Variants in SNTG1 observed in about 807,000 individuals in gnomAD.
SNTG1 encodes syntrophin gamma 1.
Under a neutral mutation model 74.7 loss-of-function variants are expected in SNTG1, and 39 were observed. That is an observed-to-expected ratio of 0.52 (90% CI 0.40 to 0.68). SNTG1 has a LOEUF of 0.68. SNTG1 is among the 30% of genes least tolerant of loss of function. The probability of loss-of-function intolerance (pLI) is 0.00; values close to 1 mark genes in which losing one functional copy is unlikely to be tolerated. For synonymous variants in SNTG1, 254 were observed against 217.1 expected, an observed-to-expected ratio of 1.17 and a Z score of -1.49; for missense variants, 685 against 609.5, an observed-to-expected ratio of 1.12 and a Z score of -1.30.
rs373892890 is a variant in SNTG1 at position 50,462,785 on chromosome 8, C to T, written c.363+12056C>T. ...CGTGGCAGCAACTCAGTCGCATCTT[C>T]AGGTTCTACTCTTTTTTTTTTTTTT... is the stretch of plus-strand genomic sequence containing the variant. On this transcript the variant is annotated intron_variant, in intron 8 of 18. Coordinates refer to ENST00000642720, the MANE Select transcript of SNTG1 (RefSeq NM_018967.5). 1.6e-5 allele frequency among the ~76,000 whole-genome samples: 2 copies of T among 128,024 alleles called. 1 individual carries two copies. The highest frequency in any genetic ancestry group is 3.2e-5 in the Non-Finnish European group (2 of 63,154). The allele number at this position is 128,024 out of a possible 152,430, so 84.0% of individuals were successfully genotyped here. A position where few individuals can be genotyped will look rare whatever the true frequency, so the allele number is the denominator to read the frequency against.
chr8:49,998,526 A>G (rs1814448462), intron 1 of SNTG1, among the ~76,000 whole-genome samples: 1 of 151,680 alleles, frequency 6.6e-6, no homozygotes, highest in South Asian at 2.1e-4. Flanking sequence ...TTACTATACT[A>G]TATGTTTTAT....
At chr8:50,350,695 G>A (rs1025050935) in intron 2 of SNTG1, among the ~76,000 whole-genome samples, 3 of 150,642 alleles carry the variant, frequency 2.0e-5, no homozygotes, top group Non-Finnish European at 3.0e-5. Context: ...TCCACACTCT[G>A]TATCTAGCTA....
intron 8 of SNTG1, among the ~76,000 whole-genome samples, chr8:50,496,822 G>C (rs1487238281): frequency 6.6e-6 from 1 of 151,956 alleles, no homozygotes; most frequent in Non-Finnish European, 1.5e-5. Flanking sequence ...TTTGAATTAT[G>C]AAATGTGAGT....
At chr8:50,419,096 C>A (rs2093049647) in intron 4 of SNTG1, among the ~76,000 whole-genome samples, 1 of 151,994 alleles carries the variant, frequency 6.6e-6, no homozygotes, top group Non-Finnish European at 1.5e-5. Flanking sequence ...AGTCATAGAA[C>A]CATGTTCTCT....
At chr8:50,547,824 T>C (rs555921128) in intron 11 of SNTG1, among the ~76,000 whole-genome samples, 2 of 152,310 alleles carry the variant, frequency 1.3e-5, no homozygotes, top group African/African-American at 2.4e-5. Flanking sequence ...AGGTGTATAA[T>C]GTAGTGCTTC....
chr8:50,104,854 T>A (rs1266716292), intron 1 of SNTG1, among the ~76,000 whole-genome samples: 1 of 152,164 alleles, frequency 6.6e-6, no homozygotes, highest in Non-Finnish European at 1.5e-5. Context: ...AAGTGTCTGT[T>A]CATGCCCTCT....
chr8:50,009,136 T>C (rs1815529667), intron 1 of SNTG1, among the ~76,000 whole-genome samples: 1 of 152,146 alleles, frequency 6.6e-6, no homozygotes, highest in South Asian at 2.1e-4. Context: ...AAGTACCAGA[T>C]TGTCATTTCT....
intron 4 of SNTG1, among the ~76,000 whole-genome samples, chr8:50,418,506 C>T (rs1450235612): frequency 3.3e-5 from 5 of 152,002 alleles, no homozygotes; most frequent in African/African-American, 1.2e-4. Context: ...ACTTTTTGCA[C>T]TTGCTCTTTC....
chr8:49,924,519 C>T (rs1039185554), intron 1 of SNTG1, among the ~76,000 whole-genome samples: 2 of 152,152 alleles, frequency 1.3e-5, no homozygotes, highest in African/African-American at 2.4e-5. Flanking sequence ...TGAGCAGAGC[C>T]GGGCTAACAT....
chr8:50,639,409 G>A (rs1374764675), intron 13 of SNTG1, among the ~76,000 whole-genome samples: 5 of 151,718 alleles, frequency 3.3e-5, no homozygotes, highest in Admixed American at 6.6e-5. Context: ...GTAAATTATT[G>A]CCTTTTTGTT....
intron 2 of SNTG1, among the ~76,000 whole-genome samples, chr8:50,323,887 A>G (rs1587130495): frequency 1.3e-5 from 2 of 152,158 alleles, no homozygotes; most frequent in Non-Finnish European, 2.9e-5. Context: ...CAGGTGTTCT[A>G]TTCTACTACA....
At chr8:50,252,770 AC>A (rs2086697619) in intron 2 of SNTG1, among the ~76,000 whole-genome samples, 1 of 152,116 alleles carries the variant, frequency 6.6e-6, no homozygotes, top group Admixed American at 6.6e-5. Context: ...CAAGGGATTC[AC>A]CCCCATGACT....
intron 18 of SNTG1, among the ~76,000 whole-genome samples, chr8:50,779,499 CTGTT>C (rs1293803757): frequency 3.9e-5 from 6 of 152,088 alleles, no homozygotes; most frequent in African/African-American, 2.4e-5. Context: ...ATTTGGCTCT[CTGTT>C]TGTCTTTTAT....
chr8:50,052,867 C>T (rs756634547), intron 1 of SNTG1, among the ~76,000 whole-genome samples: 15 of 152,126 alleles, frequency 9.9e-5, no homozygotes, highest in Non-Finnish European at 1.9e-4. Flanking sequence ...ATTGAGCTAT[C>T]ACTTTATGTC....
At chr8:50,022,579 T>C (rs1315500285) in intron 1 of SNTG1, among the ~76,000 whole-genome samples, 1 of 152,212 alleles carries the variant, frequency 6.6e-6, no homozygotes, top group East Asian at 1.9e-4. Context: ...GTCTTAAATT[T>C]GTAATAAATT....
At chr8:50,306,208 G>T (rs574969272) in intron 2 of SNTG1, among the ~76,000 whole-genome samples, 13 of 151,982 alleles carry the variant, frequency 8.6e-5, no homozygotes, top group African/African-American at 2.7e-4. Flanking sequence ...CATCCAAGTT[G>T]CTGCAAAGGA....
chr8:49,991,974 G>A (rs921799803), intron 1 of SNTG1, among the ~76,000 whole-genome samples: 1 of 152,110 alleles, frequency 6.6e-6, no homozygotes, highest in African/African-American at 2.4e-5. Flanking sequence ...CATTAAAGCT[G>A]TTAAAAAATA....
rs1046876160 is a variant in SNTG1, at chr8:50,218,909, G to A, written c.-28+46274G>A. Among the ~76,000 whole-genome samples the A allele has an allele frequency of 5.3e-5, 8 of 152,290 alleles. No individual in the cohort carries two copies. The South Asian group carries it at 8.3e-4, about 16-fold the overall frequency. The stretch of plus-strand genomic sequence containing the variant: ...GAAGCCACAGAGCCAAGGGCTCACA[G>A]CCTCCTTGATCCTCCATAGCCCAAG... On this transcript the variant is annotated intron_variant, in intron 2 of 18. Transcript: ENST00000642720.
chr8:50,028,754 A>G (rs535761973), intron 1 of SNTG1, among the ~76,000 whole-genome samples: 1 of 152,274 alleles, frequency 6.6e-6, no homozygotes, highest in South Asian at 2.1e-4. Flanking sequence ...AAAGAGATAT[A>G]GTTTTTCTAA....
Sources: allele counts gnomAD v4.1 joint callset (sites outside exome capture counted in the v4.1 genomes callset), GRCh38; gene constraint gnomAD v4.1.1; transcripts MANE v1.5; gene names NCBI Gene and HGNC (gene_info 2026-07-23, HGNC 2026-07-21).